R3HDM2: variants seen among roughly 807,000 people sequenced by gnomAD.
R3HDM2 encodes R3H domain containing 2, also known as R3H domain-containing protein 2.
R3HDM2 carries 38 observed loss-of-function variants against 124.5 expected under a neutral mutation model. That is an observed-to-expected ratio of 0.31 (90% CI 0.24 to 0.40). The LOEUF is 0.40. Ranked by LOEUF, R3HDM2 falls within the 10% of genes least tolerant of loss-of-function variation. The pLI is 1.00. For synonymous variants in R3HDM2, 391 were observed against 448.0 expected (o/e 0.87, Z 1.61); for missense variants, 869 against 1,236.9 (o/e 0.70, Z 4.46).
At chr12:57,318,634 C>T (rs1222504845) in intron 2 of R3HDM2, among the ~76,000 whole-genome samples, 5 of 148,072 alleles carry the variant, frequency 3.4e-5, no homozygotes, top group Admixed American at 6.8e-5. Flanking sequence ...GGCAAACAAG[C>T]GAGACTCCAT....
chr12:57,262,567 G>A (rs2041150429), intron 19 of R3HDM2, among the ~76,000 whole-genome samples: 1 of 152,188 alleles, frequency 6.6e-6, no homozygotes, highest in South Asian at 2.1e-4. Context: ...CAGAACAGTT[G>A]TTCCAGGAAC....
Position 57,269,960 on chromosome 12 carries a change from C to A in R3HDM2, c.1379G>T (p.Ser460Ile), listed in dbSNP as rs763478187. 6.2e-7 allele frequency: 1 copy of A among 1,614,036 alleles called. No homozygotes were observed. The highest frequency in any genetic ancestry group is 1.3e-5 in the African/African-American group (1 of 74,886). ...TTCAGTAGAACCTTGGCGACTAAGG[C>A]TCATTTGTCCAAAGGGGTTGCTGAG... is the stretch of plus-strand genomic sequence containing the variant. Reference protein sequence around the residue: ...DDLSNPFGQMSLSRQGSTEAA... With the variant: ...DDLSNPFGQMILSRQGSTEAA... Residue 460 changes from serine to isoleucine, a missense_variant, in exon 15 of 24, where the codon AGC (serine) becomes ATC (isoleucine). By Grantham distance (142) the Ser-to-Ile change is moderately radical. Coordinates refer to ENST00000402412, the MANE Select transcript of R3HDM2 (RefSeq NM_001394031.1).
At chr12:57,352,799 GCTT>G (rs2060824294) in intron 2 of R3HDM2, among the ~76,000 whole-genome samples, 1 of 152,032 alleles carries the variant, frequency 6.6e-6, no homozygotes, top group African/African-American at 2.4e-5. Flanking sequence ...CAAGGCATAA[GCTT>G]CTTATATAGT....
chr12:57,386,484 C>T (rs1428130171), intron 2 of R3HDM2, among the ~76,000 whole-genome samples: 1 of 152,242 alleles, frequency 6.6e-6, no homozygotes, highest in African/African-American at 2.4e-5. Context: ...GACTTCTTGC[C>T]GGGCCTTAGC....
chr12:57,267,727 T>G (rs758089074), intron 18 of R3HDM2, among the ~76,000 whole-genome samples: 2 of 152,194 alleles, frequency 1.3e-5, no homozygotes, highest in Non-Finnish European at 2.9e-5. Context: ...ACTCCAGTTC[T>G]TGTTCCACCT....
chr12:57,316,384 G>A lies in R3HDM2; in HGVS notation c.-35-5921C>T, dbSNP rs187972008. 6.5e-3 allele frequency among the ~76,000 whole-genome samples: 990 copies of A among 152,246 alleles called. 12 individuals are homozygous for A. Among genetic ancestry groups the A allele is most frequent in the African/African-American group, 0.023 (938 of 41,520 alleles). ...TGTTTCCTTTTTGTGACTGGTTTTAGAAGGGACAAGTGAGACACAAAGGGA... is the reference window on the plus strand; with the variant it reads ...TGTTTCCTTTTTGTGACTGGTTTTAAAAGGGACAAGTGAGACACAAAGGGA... On this transcript the variant is annotated intron_variant, in intron 2 of 23. Transcript: ENST00000402412.
In R3HDM2 at chr12:57,258,934, C is replaced by T. The variant is rs763461032; in HGVS notation, c.2257G>A (p.Gly753Arg). The T allele has an allele frequency of 6.2e-7, 1 of 1,611,316 alleles. No individual in the cohort carries two copies. The change falls in exon 20 of 24, where the codon GGG (glycine) becomes AGG (arginine). Residue 753 changes from glycine to arginine, a missense_variant. Gly to Arg is a moderately radical substitution (Grantham distance 125). This residue lies in a region of R3HDM2 where 602 missense variants were observed against 789.2 expected (regional missense o/e 0.76). Transcript: ENST00000402412. ...HCKYYSMDQR[G>R]QKPGDLYSPD... is the part of the protein sequence containing the mutation. ...CTGTACAGGTCTCCAGGCTTCTGCC[C>T]CCGCTGGTCCATGCTGTAGTATTTA...
chr12:57,375,850 T>G (rs2063987951), intron 2 of R3HDM2, among the ~76,000 whole-genome samples: 1 of 152,070 alleles, frequency 6.6e-6, no homozygotes, highest in African/African-American at 2.4e-5. Context: ...TATTTTGTAT[T>G]TTTAGTAGAG....
At chr12:57,341,388 C>A in intron 2 of R3HDM2, 1 of 983,016 alleles carries the variant, frequency 1.0e-6, no homozygotes, top group Non-Finnish European at 1.2e-6. Flanking sequence ...GAACGCACCG[C>A]TTCAGATGGA....
At chr12:57,348,875 G>A (rs374429612) in intron 2 of R3HDM2, among the ~76,000 whole-genome samples, 49 of 152,028 alleles carry the variant, frequency 3.2e-4, no homozygotes, top group African/African-American at 1.2e-3. Flanking sequence ...GAGCAACAGA[G>A]GGAGGCACTG....
chr12:57,275,329 T>G (rs552844631), intron 14 of R3HDM2, among the ~76,000 whole-genome samples: 66 of 152,246 alleles, frequency 4.3e-4, no homozygotes, highest in African/African-American at 1.4e-3. Flanking sequence ...CAAGATGGAT[T>G]AAGGACTTAA....
rs188351498 is a variant in R3HDM2 at position 57,335,568 on chromosome 12, G to A, written c.-35-25105C>T. Among the ~76,000 whole-genome samples the A allele has an allele frequency of 6.3e-4, 92 of 146,714 alleles. 1 individual carries two copies. Among genetic ancestry groups the A allele is most frequent in the African/African-American group, 2.3e-3 (90 of 39,440 alleles). On this transcript the variant is annotated intron_variant, in intron 2 of 23. Coordinates refer to ENST00000402412, the MANE Select transcript of R3HDM2 (RefSeq NM_001394031.1). ...GCTGGAGTGCAGTGGCCTAGTCACAGCTTGCTGCAACTTTGAACTCCTGGG... is the reference window on the plus strand; with the variant it reads ...GCTGGAGTGCAGTGGCCTAGTCACAACTTGCTGCAACTTTGAACTCCTGGG...
chr12:57,427,884 G>A (rs1413967559), intron 1 of R3HDM2, among the ~76,000 whole-genome samples: 1 of 151,958 alleles, frequency 6.6e-6, no homozygotes, highest in Admixed American at 6.6e-5. Flanking sequence ...GGGAGGTGGA[G>A]GTGGGTGGAT....
At chr12:57,419,759 A>G (rs1374822962) in intron 1 of R3HDM2, among the ~76,000 whole-genome samples, 1 of 151,794 alleles carries the variant, frequency 6.6e-6, no homozygotes, top group Non-Finnish European at 1.5e-5. Flanking sequence ...ATATTCTTTA[A>G]TACCTCTAGG....
In R3HDM2 at chr12:57,258,929, C is replaced by G; in HGVS notation, c.2262G>C (p.Gln754His). The change falls in exon 20 of 24, where the codon CAG (glutamine) becomes CAC (histidine). Residue 754 changes from glutamine to histidine, a missense_variant. Physicochemically the swap from Gln to His is conservative, Grantham distance 24. Around this residue, in one of 2 missense-constraint regions of R3HDM2, gnomAD observed 602 missense variants for 789.2 expected, o/e 0.76. Transcript: ENST00000402412. ...CAGGACTGTACAGGTCTCCAGGCTT[C>G]TGCCCCCGCTGGTCCATGCTGTAGT... ...CKYYSMDQRG[Q>H]KPGDLYSPDS... The G allele has an allele frequency of 6.2e-7, 1 of 1,611,278 alleles. No homozygotes were observed. The highest frequency in any genetic ancestry group is 1.3e-5 in the African/African-American group (1 of 74,938).
chr12:57,285,618 A>T (rs1019494278), intron 12 of R3HDM2, among the ~76,000 whole-genome samples: 11 of 152,244 alleles, frequency 7.2e-5, no homozygotes, highest in African/African-American at 2.4e-4. Flanking sequence ...GAACAGAACC[A>T]GACCTGAAGT....
At position 57,379,919 on chromosome 12, in the gene R3HDM2, A is replaced by C. The variant is rs141575611; in HGVS notation, c.-36+15830T>G. Among the ~76,000 whole-genome samples, 1,089 of 152,164 alleles carry C rather than the reference A, an allele frequency of 7.2e-3. 12 individuals carry two copies. The highest frequency in any genetic ancestry group is 0.024 in the African/African-American group (1,014 of 41,516). On this transcript the variant is annotated intron_variant, in intron 2 of 23. Coordinates refer to ENST00000402412, the MANE Select transcript of R3HDM2 (RefSeq NM_001394031.1). ...GAAATTAATGAATATTAGAATATATATTTAATATAAAGGTATTTCTGATCT... is the reference window on the plus strand; with the variant it reads ...GAAATTAATGAATATTAGAATATATCTTTAATATAAAGGTATTTCTGATCT...
chr12:57,304,496 G>C (rs1239573920), intron 3 of R3HDM2: 5 of 983,394 alleles, frequency 5.1e-6, no homozygotes, highest in Non-Finnish European at 4.8e-6. Flanking sequence ...GGTAGGTGAG[G>C]ATTTCTCTTT....
At chr12:57,425,894 G>A (rs1046598155) in intron 1 of R3HDM2, among the ~76,000 whole-genome samples, 2 of 152,022 alleles carry the variant, frequency 1.3e-5, no homozygotes, top group Admixed American at 1.3e-4. Flanking sequence ...TACTCTAGCC[G>A]GAAGATCAAT....
Sources: gnomAD v4.1 joint callset for allele counts (sites outside exome capture counted in the v4.1 genomes callset) on GRCh38, gnomAD v4.1.1 for gene constraint, gnomAD v4.1.1 regional missense constraint, MANE v1.5 for transcripts, NCBI Gene and HGNC (gene_info 2026-07-23, HGNC 2026-07-21) for gene names.